PRRC2B: variants seen among roughly 807,000 people sequenced by gnomAD.
PRRC2B encodes the protein protein PRRC2B.
In PRRC2B, 68 loss-of-function variants were observed where a neutral mutation model predicts 242.3. That is an observed-to-expected ratio of 0.28 (90% CI 0.23 to 0.34). The LOEUF is 0.34. PRRC2B is among the 10% of genes least tolerant of loss of function. The pLI, the probability that PRRC2B is intolerant of heterozygous loss-of-function variation, is 1.00. For synonymous variants in PRRC2B, 1,228 were observed against 1,173.6 expected, an observed-to-expected ratio of 1.05 and a Z score of -0.95; for missense variants, 2,835 against 2,954.8, an observed-to-expected ratio of 0.96 and a Z score of 0.94.
At chr9:131,399,859 C>T (rs953832273) in intron 1 of PRRC2B, among the ~76,000 whole-genome samples, 1 of 152,032 alleles carries the variant, frequency 6.6e-6, no homozygotes, top group Non-Finnish European at 1.5e-5. Flanking sequence ...CTCCTGTATT[C>T]GTAGACATTT....
In PRRC2B at chr9:131,434,233, C is replaced by G. The variant is rs565525424; in HGVS notation, c.293+1439C>G. Among the ~76,000 whole-genome samples the G allele has an allele frequency of 3.9e-5, 6 of 152,324 alleles. No homozygotes were observed. In the East Asian group the frequency reaches 1.2e-3, roughly 29 times the overall value. On this transcript the variant is annotated intron_variant, in intron 3 of 31. Coordinates refer to ENST00000683519, the MANE Select transcript of PRRC2B (RefSeq NM_013318.4). ...TCAAATGGTACTCATTCCATTCACA[C>G]CATGAGCTCTGGAACGAAATGGATA...
chr9:131,432,995 C>A (rs1838230785), intron 3 of PRRC2B, among the ~76,000 whole-genome samples: 1 of 152,236 alleles, frequency 6.6e-6, no homozygotes, highest in Non-Finnish European at 1.5e-5. Flanking sequence ...TCCCTGCCTT[C>A]ATTTTTTCTG....
intron 1 of PRRC2B, among the ~76,000 whole-genome samples, chr9:131,411,255 G>A (rs765894353): frequency 2.0e-5 from 3 of 151,846 alleles, no homozygotes; most frequent in East Asian, 1.9e-4. Context: ...AGACTGTGTC[G>A]GCAGGGGAAG....
At chr9:131,468,172 C>T (rs1943447315) in intron 13 of PRRC2B, among the ~76,000 whole-genome samples, 1 of 152,136 alleles carries the variant, frequency 6.6e-6, no homozygotes, top group Non-Finnish European at 1.5e-5. Context: ...GTAAGGGAGG[C>T]CTGTGAGCTG....
chr9:131,419,781 CAGATTTG>C (rs1837750201), intron 1 of PRRC2B, among the ~76,000 whole-genome samples: 2 of 151,380 alleles, frequency 1.3e-5, no homozygotes, highest in African/African-American at 2.4e-5. Context: ...CCCAGTGTTT[CAGATTTG>C]AGACTGCCGG....
In PRRC2B at chr9:131,475,929, G is replaced by A; in HGVS notation, c.3800G>A (p.Gly1267Asp). 4 of 1,613,958 alleles carry A rather than the reference G, an allele frequency of 2.5e-6. No individual in the cohort carries two copies. Among genetic ancestry groups the A allele is most frequent in the Non-Finnish European group, 3.4e-6 (4 of 1,179,852 alleles). ...PDSYRHPDAFGGRGFEDSRAE... is the reference protein window; with the variant it reads ...PDSYRHPDAFDGRGFEDSRAE... ...TCCTACAGACACCCTGACGCATTTGGTGGCCGGGGCTTTGAGGACAGCCGC... is the reference window on the plus strand; with the variant it reads ...TCCTACAGACACCCTGACGCATTTGATGGCCGGGGCTTTGAGGACAGCCGC... The change falls in exon 16 of 32, where the codon GGT becomes GAT. Residue 1267 changes from glycine to aspartate, a missense_variant. Physicochemically the swap from Gly to Asp is moderately conservative, Grantham distance 94 (BLOSUM62 -1). Coordinates refer to ENST00000683519, the MANE Select transcript of PRRC2B (RefSeq NM_013318.4).
At chr9:131,422,613 T>C (rs776090473) in intron 1 of PRRC2B, among the ~76,000 whole-genome samples, 5 of 152,194 alleles carry the variant, frequency 3.3e-5, no homozygotes, top group Non-Finnish European at 7.3e-5. Context: ...TGGAGTGAAA[T>C]TAATCCTGTT....
intron 5 of PRRC2B, among the ~76,000 whole-genome samples, chr9:131,443,287 C>T (rs1176841733): frequency 1.3e-5 from 2 of 151,724 alleles, no homozygotes; most frequent in African/African-American, 4.8e-5. Flanking sequence ...GCGCCCGCCA[C>T]CACGTCTGGC....
At chr9:131,426,462 G>A (rs1271733508) in intron 1 of PRRC2B, among the ~76,000 whole-genome samples, 1 of 152,044 alleles carries the variant, frequency 6.6e-6, no homozygotes, top group East Asian at 1.9e-4. Context: ...CCCTCAAGAG[G>A]CTTGCAATCT....
intron 10 of PRRC2B, among the ~76,000 whole-genome samples, chr9:131,456,953 A>G (rs1943100620): frequency 6.6e-6 from 1 of 152,178 alleles, no homozygotes; most frequent in Non-Finnish European, 1.5e-5. Flanking sequence ...GTAATGTTTT[A>G]TATTGTTTAG....
chr9:131,480,868 T>A (rs183939376), intron 19 of PRRC2B, among the ~76,000 whole-genome samples: 1 of 152,200 alleles, frequency 6.6e-6, no homozygotes, highest in East Asian at 1.9e-4. Context: ...TTTCAAAGAC[T>A]CTGTAGAAGC....
chr9:131,430,255 C>T lies in PRRC2B; in HGVS notation c.111C>T (p.Ser37=), dbSNP rs745502679. The change falls in exon 2 of 32, where the codon TCC becomes TCT. Residue 37 remains serine, a synonymous_variant. Coordinates refer to ENST00000683519, the MANE Select transcript of PRRC2B (RefSeq NM_013318.4). ...GAAAATCAGTAGACGCGATTAGATC[C>T]TCAGGTAAGGCCCAGGGTTGAAGGC... ...YKGKSVDAIR[S]SVIPRHGLQS... 1.3e-6 allele frequency: 2 copies of T among 1,577,150 alleles called. No homozygotes were observed. The highest frequency in any genetic ancestry group is 1.3e-5 in the African/African-American group (1 of 74,200).
intron 6 of PRRC2B, among the ~76,000 whole-genome samples, chr9:131,444,889 A>G (rs1414717259): frequency 6.6e-6 from 1 of 152,130 alleles, no homozygotes; most frequent in Non-Finnish European, 1.5e-5. Flanking sequence ...TTCTCCTTGG[A>G]AGCCGAGGGT....
At chr9:131,474,211 T>C (rs1346470973) in intron 15 of PRRC2B, among the ~76,000 whole-genome samples, 1 of 152,114 alleles carries the variant, frequency 6.6e-6, no homozygotes, top group Non-Finnish European at 1.5e-5. Flanking sequence ...TCTCAAGGAC[T>C]CCAGGGGCCA....
rs1452799101 is a variant in PRRC2B at position 131,497,323 on chromosome 9, T to G, written c.*1449T>G. The G allele has an allele frequency of 6.6e-6, 1 of 152,258 alleles. No individual in the cohort carries two copies. Among genetic ancestry groups the G allele is most frequent in the Non-Finnish European group, 1.5e-5 (1 of 68,074 alleles). The allele number at this position is 152,258 out of a possible 1,614,324, so 9.4% of individuals were successfully genotyped here. Reference sequence around the variant, plus strand: ...TGAGCCATCGTGTGCTGGGCTTGTTTTTAAGTAAGAAACAAGGAAATCACT... The same window carrying G: ...TGAGCCATCGTGTGCTGGGCTTGTTGTTAAGTAAGAAACAAGGAAATCACT... On this transcript the variant is annotated 3_prime_UTR_variant, in exon 32 of 32. Coordinates refer to ENST00000683519, the MANE Select transcript of PRRC2B (RefSeq NM_013318.4).
chr9:131,418,181 AC>A (rs896269990), intron 1 of PRRC2B, among the ~76,000 whole-genome samples: 11 of 152,250 alleles, frequency 7.2e-5, no homozygotes, highest in South Asian at 4.1e-4. Flanking sequence ...CTGGTGGCAC[AC>A]CTGGGGATCA....
At chr9:131,451,242 A>T (rs1326179603) in intron 9 of PRRC2B, among the ~76,000 whole-genome samples, 1 of 152,140 alleles carries the variant, frequency 6.6e-6, no homozygotes, top group Non-Finnish European at 1.5e-5. Flanking sequence ...TGCTAAAAAT[A>T]CAAAAAATTA....
Position 131,476,283 on chromosome 9 carries a change from A to C in PRRC2B, c.4154A>C (p.Glu1385Ala). ...GCCTCCGAAAGCAGCGACTTCAGCG[A>C]GCGGCGGGAGCGGCGGGAAGGCCCT... ...ETASESSDFSERRERREGPGS... is the reference protein window; with the variant it reads ...ETASESSDFSARRERREGPGS... The change falls in exon 16 of 32, where the codon GAG becomes GCG. Residue 1385 changes from glutamate to alanine, a missense_variant. Coordinates refer to ENST00000683519, the MANE Select transcript of PRRC2B (RefSeq NM_013318.4). 1.9e-6 allele frequency: 3 copies of C among 1,582,564 alleles called. No homozygotes were observed. Among genetic ancestry groups the C allele is most frequent in the Non-Finnish European group, 2.6e-6 (3 of 1,165,068 alleles).
chr9:131,468,321 C>G (rs1027838518), intron 13 of PRRC2B, among the ~76,000 whole-genome samples: 2 of 152,218 alleles, frequency 1.3e-5, no homozygotes, highest in Non-Finnish European at 2.9e-5. Flanking sequence ...TTATGCCCCT[C>G]TCACCCATAT....
Sources: allele counts gnomAD v4.1 joint callset (sites outside exome capture counted in the v4.1 genomes callset), GRCh38; gene constraint gnomAD v4.1.1; transcripts MANE v1.5; gene names NCBI Gene and HGNC (gene_info 2026-07-23, HGNC 2026-07-21).